The following ACTR3B variants were observed in gnomAD, a reference collection of about 807,000 sequenced individuals.
The protein encoded by ACTR3B is actin-related protein 3B.
In ACTR3B, 8 loss-of-function variants were observed where a neutral mutation model predicts 59.0. That is an observed-to-expected ratio of 0.14 (90% confidence interval 0.08 to 0.24). The LOEUF (loss-of-function observed/expected upper bound fraction) is 0.24. Among genes scored for constraint, ACTR3B ranks in the 10% least tolerant of loss-of-function variants. The pLI is 1.00. For missense variants in ACTR3B, 245 were observed against 552.3 expected (o/e 0.44, Z 5.58); for synonymous variants, 148 against 197.9 (o/e 0.75, Z 2.12).
At chr7:152,825,613 G>A (rs1355118980) in intron 9 of ACTR3B, among the ~76,000 whole-genome samples, 3 of 152,048 alleles carry the variant, frequency 2.0e-5, no homozygotes, top group South Asian at 4.1e-4. Context: ...CACCATGCCC[G>A]GCCAACTGGA....
chr7:152,837,075 C>G (rs1797520344), intron 9 of ACTR3B, among the ~76,000 whole-genome samples: 1 of 152,194 alleles, frequency 6.6e-6, no homozygotes, highest in Non-Finnish European at 1.5e-5. Context: ...ACTTGGGAGA[C>G]TGAGGCAGCA....
intron 9 of ACTR3B, among the ~76,000 whole-genome samples, chr7:152,851,152 G>A (rs1387832226): frequency 5.9e-5 from 9 of 152,178 alleles, no homozygotes; most frequent in Non-Finnish European, 1.2e-4. Context: ...GTTTAATTTA[G>A]AAATTAGGCA....
At chr7:152,794,777 C>T (rs1212256425) in intron 2 of ACTR3B, among the ~76,000 whole-genome samples, 10 of 152,124 alleles carry the variant, frequency 6.6e-5, no homozygotes, top group Non-Finnish European at 1.3e-4. Context: ...AGCCCATGTT[C>T]AGCCCAAGAT....
chr7:152,807,767 C>T (rs1351910138), intron 4 of ACTR3B, among the ~76,000 whole-genome samples: 1 of 152,170 alleles, frequency 6.6e-6, no homozygotes, highest in African/African-American at 2.4e-5. Context: ...TGTATTTCCT[C>T]TTTTGCGAGC....
intron 2 of ACTR3B, among the ~76,000 whole-genome samples, chr7:152,800,306 C>T (rs1181306852): frequency 6.6e-6 from 1 of 152,284 alleles, no homozygotes; most frequent in Non-Finnish European, 1.5e-5. Context: ...AGTAGAGCAG[C>T]TCATTTCCTT....
At position 152,780,825 on chromosome 7, in the gene ACTR3B, G is replaced by T. The variant is rs7785693; in HGVS notation, c.45-2362G>T. ...ATATAGAACAAATTGCTTTTTGTTT[G>T]TTTTTTTTAACTTTTCAGATTTTTT... is the stretch of plus-strand genomic sequence containing the variant. On this transcript the variant is annotated intron_variant, in intron 1 of 11. Transcript: ENST00000256001. 3.3e-3 allele frequency among the ~76,000 whole-genome samples: 465 copies of T among 140,556 alleles called. 2 individuals are homozygous for T. The highest frequency in any genetic ancestry group is 0.011 in the African/African-American group (408 of 37,982). The allele number at this position is 140,556 out of a possible 152,430, so 92.2% of individuals were successfully genotyped here.
intron 9 of ACTR3B, among the ~76,000 whole-genome samples, chr7:152,847,583 G>C (rs1798451499): frequency 6.6e-6 from 1 of 152,190 alleles, no homozygotes; most frequent in Non-Finnish European, 1.5e-5. Context: ...AGGCAGGAAA[G>C]TATATCCAAT....
chr7:152,810,185 T>C (rs35639712), intron 4 of ACTR3B, among the ~76,000 whole-genome samples: 3 of 152,126 alleles, frequency 2.0e-5, no homozygotes, highest in Non-Finnish European at 2.9e-5. Flanking sequence ...CAGCTCACTG[T>C]AACCTCTGCC....
intron 9 of ACTR3B, 71 bp from the exon 10 acceptor site, chr7:152,852,055 T>A: frequency 6.2e-7 from 1 of 1,607,754 alleles, no homozygotes; most frequent in Admixed American, 1.7e-5. Flanking sequence ...GTGGGAGTTC[T>A]GTTGTGGGTG....
chr7:152,822,725 G>T (rs1000451963), intron 7 of ACTR3B, among the ~76,000 whole-genome samples: 2 of 152,108 alleles, frequency 1.3e-5, no homozygotes, highest in Non-Finnish European at 2.9e-5. Flanking sequence ...TGTGTTGATT[G>T]AGGGACTTAG....
intron 2 of ACTR3B, among the ~76,000 whole-genome samples, chr7:152,794,367 A>C (rs1413457859): frequency 6.6e-6 from 1 of 151,978 alleles, no homozygotes; most frequent in Non-Finnish European, 1.5e-5. Flanking sequence ...ACAGGTGCGC[A>C]CCACCATGCC....
rs1360632049 is a variant in ACTR3B, at chr7:152,824,310, T to A, written c.859-720T>A. Among the ~76,000 whole-genome samples the A allele has an allele frequency of 6.6e-6, 1 of 151,838 alleles. No individual in the cohort carries two copies. Among genetic ancestry groups the A allele is most frequent in the African/African-American group, 2.4e-5 (1 of 41,106 alleles). On this transcript the variant is annotated intron_variant, in intron 8 of 11. Coordinates refer to ENST00000256001, the MANE Select transcript of ACTR3B (RefSeq NM_020445.6). This position sits in a 1 kb window ranked among gnomAD's most constrained non-coding sequence, Gnocchi z 4.2. ...TAATCTAGTGAATGCTCACTTTTAA[T>A]ATGTTGATTTGAAATGGACATAGAA...
chr7:152,799,266 A>G (rs2098227083), intron 2 of ACTR3B, among the ~76,000 whole-genome samples: 1 of 152,226 alleles, frequency 6.6e-6, no homozygotes, highest in Non-Finnish European at 1.5e-5. Flanking sequence ...CCCACAATAA[A>G]TATTTTAGTG....
chr7:152,796,860 G>GGTTTTTTTT (rs2098218252), intron 2 of ACTR3B, among the ~76,000 whole-genome samples: 2 of 54,738 alleles, frequency 3.7e-5, no homozygotes, highest in African/African-American at 1.4e-4. Context: ...TAGTTTTTGT[G>GGTTTTTTTT]TTTTTTTTTT....
intron 9 of ACTR3B, among the ~76,000 whole-genome samples, chr7:152,843,289 GT>G (rs748850415): frequency 6.6e-6 from 1 of 152,042 alleles, no homozygotes; most frequent in Non-Finnish European, 1.5e-5. Context: ...TTAAAAAATG[GT>G]TTTTCAAAGA....
chr7:152,811,802 A>C (rs1216192187), intron 4 of ACTR3B: 1 of 151,248 alleles, frequency 6.6e-6, no homozygotes, highest in African/African-American at 2.4e-5. Context: ...TAATGATGTC[A>C]CTAAACTTAT....
intron 9 of ACTR3B, among the ~76,000 whole-genome samples, chr7:152,830,770 T>TA (rs1481418035): frequency 6.6e-6 from 1 of 152,140 alleles, no homozygotes; most frequent in African/African-American, 2.4e-5. Flanking sequence ...AGGCTGGTCT[T>TA]AAACGCCTGG....
intron 9 of ACTR3B, among the ~76,000 whole-genome samples, chr7:152,850,970 A>G (rs950628867): frequency 6.6e-6 from 1 of 152,210 alleles, no homozygotes; most frequent in African/African-American, 2.4e-5. Context: ...TAATTTCCTT[A>G]TGTAGTTTTC....
At chr7:152,834,161 T>G (rs1396610838) in intron 9 of ACTR3B, among the ~76,000 whole-genome samples, 8 of 151,972 alleles carry the variant, frequency 5.3e-5, no homozygotes, top group East Asian at 1.9e-4. Context: ...TTTTGTTTTT[T>G]TTTTTTTTGA....
Sources: allele counts gnomAD v4.1 joint callset (sites outside exome capture counted in the v4.1 genomes callset), GRCh38; gene constraint gnomAD v4.1.1; non-coding constraint Gnocchi (gnomAD v3.1); transcripts MANE v1.5; gene names NCBI Gene and HGNC (gene_info 2026-07-23, HGNC 2026-07-21).